Variants in VPS41 observed in about 807,000 individuals in gnomAD.
VPS41 encodes vacuolar protein sorting-associated protein 41 homolog.
A neutral mutation model predicts 130.9 loss-of-function variants in VPS41; 85 were observed. The ratio of observed to expected loss-of-function variants is 0.65; its 90% confidence interval spans 0.55 to 0.78. VPS41 has a LOEUF of 0.78. Among genes scored for constraint, VPS41 ranks in the 30% least tolerant of loss-of-function variants. The probability of loss-of-function intolerance (pLI) is 0.00; values close to 1 mark genes in which losing one functional copy is unlikely to be tolerated. For synonymous variants in VPS41, 335 were observed against 332.9 expected (o/e 1.01, Z -0.07); for missense variants, 874 against 1,018.7 (o/e 0.86, Z 1.93).
At chr7:38,858,123 G>A (rs904137433) in intron 4 of VPS41, among the ~76,000 whole-genome samples, 3 of 152,198 alleles carry the variant, frequency 2.0e-5, no homozygotes, top group African/African-American at 7.2e-5. Context: ...AGACCTTTAA[G>A]CTACTCTCTT....
chr7:38,827,661 C>A (rs541203804), intron 5 of VPS41, among the ~76,000 whole-genome samples: 12 of 152,306 alleles, frequency 7.9e-5, no homozygotes, highest in African/African-American at 2.2e-4. Flanking sequence ...ACTTCACACA[C>A]CAAGTGGGAA....
chr7:38,817,828 C>T lies in VPS41; in HGVS notation c.439G>A (p.Gly147Arg), dbSNP rs1425134978. ...VRSSCKQFVT[G>R]GKKLLLFERS... is the part of the protein sequence containing the mutation. ...CACACAGCACTTACCTTCTTCCCTC[C>T]GGTCACAAACTGCTTGCAACTGGAT... is the stretch of plus-strand genomic sequence containing the variant. Residue 147 changes from glycine to arginine, a missense_variant, in exon 7 of 29, where the codon GGA (glycine) becomes AGA (arginine). Physicochemically the swap from Gly to Arg is moderately radical, Grantham distance 125. Coordinates refer to ENST00000310301, the MANE Select transcript of VPS41 (RefSeq NM_014396.4). 3.1e-6 allele frequency: 5 copies of T among 1,613,856 alleles called. No homozygotes were observed. Among genetic ancestry groups the T allele is most frequent in the East Asian group, 2.2e-5 (1 of 44,892 alleles).
chr7:38,873,343 T>C (rs1307030232), intron 2 of VPS41, among the ~76,000 whole-genome samples: 2 of 151,902 alleles, frequency 1.3e-5, no homozygotes, highest in Non-Finnish European at 2.9e-5. Flanking sequence ...AAAAATACGA[T>C]TCATGGAGGT....
intron 3 of VPS41, among the ~76,000 whole-genome samples, chr7:38,863,451 C>T (rs969871892): frequency 1.8e-4 from 27 of 152,134 alleles, no homozygotes; most frequent in African/African-American, 6.3e-4. Context: ...CTCAAATTTA[C>T]AGGCACTACT....
At chr7:38,776,816 G>T (rs1034806804) in intron 10 of VPS41, 40 bp from the exon 11 acceptor site, 3 of 1,099,850 alleles carry the variant, frequency 2.7e-6, no homozygotes, top group Admixed American at 1.7e-5. Context: ...ATCAACAGGG[G>T]CAAACAGCAG....
At chr7:38,754,632 C>A in intron 21 of VPS41, 70 bp downstream of exon 21, 1 of 1,279,862 alleles carries the variant, frequency 7.8e-7, no homozygotes, top group Non-Finnish European at 1.1e-6. Flanking sequence ...ATCCTCCTCG[C>A]ACCAATACTG....
At chr7:38,765,885 G>A (rs867523447) in intron 15 of VPS41, 2 of 402,020 alleles carry the variant, frequency 5.0e-6, no homozygotes, top group Non-Finnish European at 8.7e-6. Context: ...AATATAAAAT[G>A]CTTATAAATA....
chr7:38,831,124 T>C (rs1471170549), intron 4 of VPS41: 5 of 452,052 alleles, frequency 1.1e-5, no homozygotes, highest in African/African-American at 1.0e-4. Context: ...GAATATCTTC[T>C]GTTAATAGTT....
chr7:38,852,279 C>T (rs914632434), intron 4 of VPS41, among the ~76,000 whole-genome samples: 3 of 152,262 alleles, frequency 2.0e-5, no homozygotes, highest in South Asian at 4.1e-4. Context: ...TCAGACCTCC[C>T]GGCATCACCT....
chr7:38,780,231 G>A (rs1168198752), intron 10 of VPS41, among the ~76,000 whole-genome samples: 1 of 148,506 alleles, frequency 6.7e-6, no homozygotes. Flanking sequence ...AGTTCCTAAA[G>A]GTAGCCACAA....
intron 2 of VPS41, among the ~76,000 whole-genome samples, chr7:38,873,817 A>C (rs928186032): frequency 2.0e-5 from 3 of 152,242 alleles, no homozygotes; most frequent in African/African-American, 4.8e-5. Context: ...ACACTATCTG[A>C]AAATAAATGT....
At chr7:38,754,975 T>C (rs1182700777) in intron 19 of VPS41, 39 bp from the exon 20 acceptor site, 1 of 1,600,080 alleles carries the variant, frequency 6.2e-7, no homozygotes, top group Non-Finnish European at 8.6e-7. Flanking sequence ...ATGAAATCCG[T>C]TATTTAAGAA....
chr7:38,854,053 C>G (rs1785926302), intron 4 of VPS41, among the ~76,000 whole-genome samples: 1 of 152,176 alleles, frequency 6.6e-6, no homozygotes, highest in Admixed American at 6.5e-5. Context: ...TATGACTTGC[C>G]TTGGCATCAT....
intron 22 of VPS41, among the ~76,000 whole-genome samples, chr7:38,748,306 A>G (rs946931007): frequency 1.3e-5 from 2 of 152,220 alleles, no homozygotes; most frequent in Non-Finnish European, 2.9e-5. Context: ...AAATGATGCA[A>G]AAATAATATT....
At chr7:38,891,224 C>CACTG (rs1429184899) in intron 2 of VPS41, among the ~76,000 whole-genome samples, 4 of 151,802 alleles carry the variant, frequency 2.6e-5, no homozygotes, top group African/African-American at 9.7e-5. Context: ...CAGAAGACAC[C>CACTG]TATAATATGT....
In VPS41 at chr7:38,820,247, G is replaced by A. The variant is rs556714175; in HGVS notation, c.384+956C>T. Among the ~76,000 whole-genome samples the A allele has an allele frequency of 7.9e-5, 12 of 152,256 alleles. No individual in the cohort carries two copies. In the South Asian group the frequency reaches 1.2e-3, roughly 16 times the overall value. ...TTGAGATCCTGTAATGCCCTGCCTA[G>A]AGTATTATATTAGGCTTCTAAATTG... On this transcript the variant is annotated intron_variant, in intron 6 of 28. Transcript: ENST00000310301.
intron 2 of VPS41, among the ~76,000 whole-genome samples, chr7:38,888,433 T>C (rs528906954): frequency 2.6e-5 from 4 of 152,188 alleles, no homozygotes; most frequent in African/African-American, 9.6e-5. Context: ...ACAAAGCAGG[T>C]ATTACATAAT....
chr7:38,809,408 G>GA (rs1313228689), intron 7 of VPS41, among the ~76,000 whole-genome samples: 1 of 148,458 alleles, frequency 6.7e-6, no homozygotes, highest in Non-Finnish European at 1.5e-5. Context: ...AATAAAGCTA[G>GA]AAAAAAATAA....
At chr7:38,830,139 C>T in intron 5 of VPS41, 115 bp downstream of exon 5, 1 of 733,214 alleles carries the variant, frequency 1.4e-6, no homozygotes, top group Non-Finnish European at 2.4e-6. Context: ...AAGTTCAATA[C>T]TCAGAAAGAA....
Sources: allele counts gnomAD v4.1 joint callset (sites outside exome capture counted in the v4.1 genomes callset), GRCh38; gene constraint gnomAD v4.1.1; transcripts MANE v1.5; gene names NCBI Gene and HGNC (gene_info 2026-07-23, HGNC 2026-07-21).